Variants in RALGAPA2 observed in about 807,000 individuals in gnomAD.
The protein encoded by RALGAPA2 is ral GTPase-activating protein subunit alpha-2.
In RALGAPA2, 139 loss-of-function variants were observed where a neutral mutation model predicts 230.4. That is an observed-to-expected ratio of 0.60 (90% confidence interval 0.53 to 0.69). The LOEUF (loss-of-function observed/expected upper bound fraction) is 0.69, where lower values mean the gene tolerates loss of function less well. RALGAPA2 is among the 30% of genes least tolerant of loss of function. The pLI is 0.00. For missense variants in RALGAPA2, 2,163 were observed against 2,276.0 expected (o/e 0.95, Z 1.01); for synonymous variants, 847 against 837.8 (o/e 1.01, Z -0.19).
At chr20:20,458,773 CCT>C (rs1569417987) in intron 37 of RALGAPA2, among the ~76,000 whole-genome samples, 77 of 117,160 alleles carry the variant, frequency 6.6e-4, no homozygotes, top group African/African-American at 2.3e-3. Flanking sequence ...TATATATAGA[CCT>C]ATATATATAT....
At chr20:20,491,023 A>C (rs922417608) in intron 36 of RALGAPA2, among the ~76,000 whole-genome samples, 3 of 152,134 alleles carry the variant, frequency 2.0e-5, no homozygotes, top group Non-Finnish European at 2.9e-5. Context: ...AGGATCCAAA[A>C]AAAAAAAGGC....
intron 30 of RALGAPA2, among the ~76,000 whole-genome samples, chr20:20,523,252 A>C (rs2145468667): frequency 6.6e-6 from 1 of 152,340 alleles, no homozygotes; most frequent in South Asian, 2.1e-4. Flanking sequence ...TATTATAAGC[A>C]ATCCAGAGCA....
At chr20:20,696,505 C>T (rs1384737562) in intron 1 of RALGAPA2, among the ~76,000 whole-genome samples, 1 of 152,156 alleles carries the variant, frequency 6.6e-6, no homozygotes, top group African/African-American at 2.4e-5. Context: ...CTTTGCTTCA[C>T]TGGAGTGCCC....
At position 20,635,442 on chromosome 20, in the gene RALGAPA2, A is replaced by T. The variant is rs1380747210; in HGVS notation, c.981T>A (p.Val327=). ...CCTGGATGATTTTAGGCAATACATC[A>T]ACTCCATTTTTAGTGTTTTGTGTTG... ...LTATQNTKNG[V]DVLPKIIQTV... Residue 327 remains valine (V), a synonymous_variant, in exon 9 of 40, where the codon GTT becomes GTA. Transcript: ENST00000202677. 1 of 1,602,118 alleles carries T rather than the reference A, an allele frequency of 6.2e-7. No homozygotes were observed. The highest frequency in any genetic ancestry group is 1.1e-5 in the South Asian group (1 of 88,402).
chr20:20,589,190 C>A, intron 18 of RALGAPA2, 78 bp downstream of exon 18: 1 of 1,420,198 alleles, frequency 7.0e-7, no homozygotes, highest in South Asian at 1.6e-5. Context: ...TTATCACTGC[C>A]ACCAATAAAT....
chr20:20,461,982 A>G (rs1341301888), intron 37 of RALGAPA2, among the ~76,000 whole-genome samples: 1 of 152,148 alleles, frequency 6.6e-6, no homozygotes, highest in Non-Finnish European at 1.5e-5. Flanking sequence ...TTAAGGACCA[A>G]AGCTTTGTGC....
intron 4 of RALGAPA2, 108 bp from the exon 5 acceptor site, chr20:20,643,657 A>C: frequency 9.4e-7 from 1 of 1,067,780 alleles, no homozygotes; most frequent in Non-Finnish European, 1.3e-6. Flanking sequence ...TAAAAATAAA[A>C]GGAAGAAGGC....
rs758874377 is a variant in RALGAPA2, at chr20:20,472,863, C to T, written c.5461G>A (p.Ala1821Thr). 7 of 1,613,574 alleles carry T rather than the reference C, an allele frequency of 4.3e-6. No individual in the cohort carries two copies. The African/African-American group carries it at 5.3e-5, about 12-fold the overall frequency. Residue 1821 changes from alanine to threonine, a missense_variant, in exon 37 of 40, where the codon GCT (alanine) becomes ACT (threonine). Coordinates refer to ENST00000202677, the MANE Select transcript of RALGAPA2 (RefSeq NM_020343.4). The part of the protein sequence containing the change: ...VCATCINASR[A>T]VKCLIPLYQS... Reference sequence around the variant, plus strand: ...TAGAGTGGGATGAGGCACTTCACAGCCCTGCTGGCGTTGATGCACGTGGCA... The same window carrying T: ...TAGAGTGGGATGAGGCACTTCACAGTCCTGCTGGCGTTGATGCACGTGGCA...
chr20:20,526,751 A>C (rs1357994975), intron 27 of RALGAPA2, among the ~76,000 whole-genome samples: 1 of 152,202 alleles, frequency 6.6e-6, no homozygotes, highest in Non-Finnish European at 1.5e-5. Context: ...CTCACTGATA[A>C]ATCTTCACTG....
chr20:20,596,163 T>C (rs1433963278), intron 16 of RALGAPA2, among the ~76,000 whole-genome samples: 1 of 152,150 alleles, frequency 6.6e-6, no homozygotes. Context: ...CCTCCCAGAA[T>C]ATGAACAACC....
chr20:20,510,150 C>T (rs2062658145), intron 33 of RALGAPA2, among the ~76,000 whole-genome samples: 1 of 152,114 alleles, frequency 6.6e-6, no homozygotes, highest in Non-Finnish European at 1.5e-5. Context: ...TCAGCAGGCT[C>T]TAACTCATCG....
At chr20:20,552,943 A>AAAAACAAAACAAAAC (rs371187764) in intron 23 of RALGAPA2, among the ~76,000 whole-genome samples, 3 of 151,984 alleles carry the variant, frequency 2.0e-5, no homozygotes, top group African/African-American at 4.8e-5. Context: ...ACGGCCCTTT[A>AAAAACAAAACAAAAC]AAAACAAAAC....
intron 35 of RALGAPA2, among the ~76,000 whole-genome samples, chr20:20,502,364 A>C (rs945099110): frequency 6.6e-6 from 1 of 152,206 alleles, no homozygotes; most frequent in African/African-American, 2.4e-5. Flanking sequence ...GGAAAAAAAG[A>C]ATCAATTAGA....
At chr20:20,432,312 G>C (rs1202198793) in intron 37 of RALGAPA2, among the ~76,000 whole-genome samples, 1 of 152,212 alleles carries the variant, frequency 6.6e-6, no homozygotes, top group Non-Finnish European at 1.5e-5. Flanking sequence ...GTTATAAGGA[G>C]CTGCCTTGTG....
Position 20,418,773 on chromosome 20 carries a change from G to GTGTC in RALGAPA2, c.5496-6629_5496-6626dup, listed in dbSNP as rs2060217991. ...ATTTATTTATAGACAGGGTCTCACT[G>GTGTC]TGTCACCTAGTATGGAGTGCAGTGG... is the stretch of plus-strand genomic sequence containing the variant. On this transcript the variant is annotated intron_variant, in intron 37 of 39. Coordinates refer to ENST00000202677, the MANE Select transcript of RALGAPA2 (RefSeq NM_020343.4). Among the ~76,000 whole-genome samples, 3 of 152,186 alleles carry GTGTC rather than the reference G, an allele frequency of 2.0e-5. No homozygotes were observed. The South Asian group carries it at 6.2e-4, about 32-fold the overall frequency.
chr20:20,472,126 C>T (rs756490622), intron 37 of RALGAPA2: 1 of 152,064 alleles, frequency 6.6e-6, no homozygotes, highest in Non-Finnish European at 1.5e-5. Flanking sequence ...TGAGATCATG[C>T]TTGAATTTAA....
At chr20:20,402,859 G>A (rs1488384265) in intron 38 of RALGAPA2, among the ~76,000 whole-genome samples, 2 of 152,134 alleles carry the variant, frequency 1.3e-5, no homozygotes, top group African/African-American at 4.8e-5. Flanking sequence ...CAGAGCAAGA[G>A]CCAAGGTCTT....
At chr20:20,563,221 C>T (rs1310294471) in intron 23 of RALGAPA2, among the ~76,000 whole-genome samples, 1 of 152,140 alleles carries the variant, frequency 6.6e-6, no homozygotes, top group Non-Finnish European at 1.5e-5. Flanking sequence ...ACAGTAAACT[C>T]CCCTTATATT....
In RALGAPA2 at chr20:20,572,944, G is replaced by A; in HGVS notation, c.2832C>T (p.Asn944=). ...RVLGILGDVN[N]IQSPKIHARV... ...TGGCATGGATCTTGGGTGACTGGATGTTATTCACATCTCCGAGGATCCCCA... is the reference window on the plus strand; with the variant it reads ...TGGCATGGATCTTGGGTGACTGGATATTATTCACATCTCCGAGGATCCCCA... Residue 944 remains asparagine (N), a synonymous_variant, in exon 21 of 40, where the codon AAC becomes AAT. Transcript: ENST00000202677. 6.3e-7 allele frequency: 1 copy of A among 1,583,612 alleles called. No individual in the cohort carries two copies. The highest frequency in any genetic ancestry group is 1.2e-5 in the South Asian group (1 of 86,678).
Sources: gnomAD v4.1 joint callset for allele counts (sites outside exome capture counted in the v4.1 genomes callset) on GRCh38, gnomAD v4.1.1 for gene constraint, MANE v1.5 for transcripts, NCBI Gene and HGNC (gene_info 2026-07-23, HGNC 2026-07-21) for gene names.